Variants in PLCG2 observed in about 807,000 individuals in gnomAD.
The protein encoded by PLCG2 is phospholipase C gamma 2, also known as 1-phosphatidylinositol 4,5-bisphosphate phosphodiesterase gamma-2.
In PLCG2, 69 loss-of-function variants were observed where a neutral mutation model predicts 175.6. That is an observed-to-expected ratio of 0.39 (90% CI 0.32 to 0.48). The LOEUF is 0.48. Ranked by LOEUF, PLCG2 falls within the 20% of genes least tolerant of loss-of-function variation. PLCG2 has a pLI of 0.91. For missense variants in PLCG2, 1,798 were observed against 1,650.9 expected (o/e 1.09, Z -1.54); for synonymous variants, 827 against 624.0 (o/e 1.33, Z -4.85).
chr16:81,804,845 G>C (rs972506609), intron 2 of PLCG2, among the ~76,000 whole-genome samples: 3 of 152,228 alleles, frequency 2.0e-5, no homozygotes, highest in Non-Finnish European at 4.4e-5. Flanking sequence ...CAGGATGAGA[G>C]AGTGTTCTTG....
chr16:81,879,390 C>A (rs1907970486), intron 7 of PLCG2, among the ~76,000 whole-genome samples: 1 of 152,208 alleles, frequency 6.6e-6, no homozygotes, highest in Non-Finnish European at 1.5e-5. Flanking sequence ...AAAGGAAGTA[C>A]TTCTCAGTTT....
intron 1 of PLCG2, among the ~76,000 whole-genome samples, chr16:81,781,312 C>G (rs1394120382): frequency 6.6e-6 from 1 of 152,144 alleles, no homozygotes; most frequent in Admixed American, 6.5e-5. Context: ...AATTGCTTAT[C>G]TATCATCCTC....
chr16:81,798,245 AG>A (rs1224361271), intron 2 of PLCG2, among the ~76,000 whole-genome samples: 1 of 152,214 alleles, frequency 6.6e-6, no homozygotes, highest in African/African-American at 2.4e-5. Flanking sequence ...TACTTAACAC[AG>A]GGTGCCTCCC....
intron 2 of PLCG2, among the ~76,000 whole-genome samples, chr16:81,773,159 C>T (rs543605733): frequency 6.4e-4 from 97 of 152,252 alleles, no homozygotes; most frequent in African/African-American, 2.2e-3. Context: ...GGAAAGCATG[C>T]TGGGTGTGGG....
chr16:81,873,867 A>T (rs1907639001), intron 7 of PLCG2, among the ~76,000 whole-genome samples: 1 of 152,236 alleles, frequency 6.6e-6, no homozygotes, highest in African/African-American at 2.4e-5. Context: ...CTGTGGTAAC[A>T]TTCCACATGA....
chr16:81,881,182 A>ACTTTGTGT (rs1435364918), intron 8 of PLCG2, among the ~76,000 whole-genome samples: 3 of 152,124 alleles, frequency 2.0e-5, no homozygotes, highest in Non-Finnish European at 2.9e-5. Context: ...GTTCTGTAGA[A>ACTTTGTGT]AAGCCTGTGT....
chr16:81,805,553 C>G (rs992961775), intron 2 of PLCG2, among the ~76,000 whole-genome samples: 3 of 136,960 alleles, frequency 2.2e-5, no homozygotes, highest in Non-Finnish European at 4.8e-5. Context: ...AAACCAAAAA[C>G]AAAAGCTCAA....
At position 81,905,425 on chromosome 16, in the gene PLCG2, G is replaced by T; in HGVS notation, c.1385G>T (p.Gly462Val). The change falls in exon 15 of 33, where the codon GGC becomes GTC. Residue 462 changes from glycine (G) to valine (V), a missense_variant. Transcript: ENST00000564138. ...CAGCATAAGAAGCTGGGCCCCCGAG[G>T]CGATGTGGATGTCAACATGGAGGAC... ...IIKHKKLGPRGDVDVNMEDKK... is the reference protein window; with the variant it reads ...IIKHKKLGPRVDVDVNMEDKK... The T allele has an allele frequency of 6.2e-7, 1 of 1,614,084 alleles. No homozygotes were observed. Among genetic ancestry groups the T allele is most frequent in the Non-Finnish European group, 8.5e-7 (1 of 1,179,928 alleles).
At chr16:81,955,691 T>C (rs1911539171) in intron 31 of PLCG2, among the ~76,000 whole-genome samples, 1 of 152,190 alleles carries the variant, frequency 6.6e-6, no homozygotes, top group Admixed American at 6.5e-5. Context: ...GGACCACACT[T>C]ACTCTTTCAG....
chr16:81,883,397 C>G (rs757130842), intron 9 of PLCG2, 56 bp downstream of exon 9: 49 of 1,422,070 alleles, frequency 3.4e-5, no homozygotes, highest in Non-Finnish European at 4.6e-5. Flanking sequence ...CTGCTGGGGA[C>G]TAGTCTCACC....
rs926237449 is a variant in PLCG2 at position 81,908,488 on chromosome 16, G to A, written c.1630G>A (p.Glu544Lys). The stretch of plus-strand genomic sequence containing the variant: ...GAAGGTGGAGAAGAGGACGAGTGCC[G>A]AGAAGTTGCTGCAGGAATACTGCAT... ...HKKVEKRTSAEKLLQEYCMET... is the reference protein window; with the variant it reads ...HKKVEKRTSAKKLLQEYCMET... Residue 544 changes from glutamate to lysine, a missense_variant, in exon 17 of 33, where the codon GAG (glutamate) becomes AAG (lysine). Glu to Lys is a moderately conservative substitution (Grantham distance 56). Coordinates refer to ENST00000564138, the MANE Select transcript of PLCG2 (RefSeq NM_002661.5). 1.2e-6 allele frequency: 2 copies of A among 1,614,120 alleles called. No homozygotes were observed. Among genetic ancestry groups the A allele is most frequent in the Non-Finnish European group, 1.7e-6 (2 of 1,180,002 alleles).
chr16:81,859,295 G>T, intron 5 of PLCG2, 132 bp downstream of exon 5: 3 of 631,796 alleles, frequency 4.7e-6, no homozygotes, highest in Non-Finnish European at 8.7e-6. Flanking sequence ...ATCTGCGGAT[G>T]CCATGTTGGG....
At chr16:81,892,021 T>C (rs1198373444) in intron 11 of PLCG2, among the ~76,000 whole-genome samples, 2 of 152,170 alleles carry the variant, frequency 1.3e-5, no homozygotes, top group African/African-American at 4.8e-5. Flanking sequence ...CATGTCCTCA[T>C]GTGCTGGGAG....
At chr16:81,938,194 C>G (rs971190956) in intron 28 of PLCG2, among the ~76,000 whole-genome samples, 1 of 151,954 alleles carries the variant, frequency 6.6e-6, no homozygotes, top group Non-Finnish European at 1.5e-5. Flanking sequence ...AGCCTCTGGC[C>G]GGAAAGAGAA....
chr16:81,908,298 A>G lies in PLCG2; in HGVS notation c.1558-118A>G. The G allele has an allele frequency of 3.4e-6, 3 of 891,696 alleles. No individual in the cohort carries two copies. The South Asian group carries it at 5.1e-5, about 15-fold the overall frequency. 55.2% of individuals were successfully genotyped at this position (891,696 alleles called of 1,614,324 possible). A position where few individuals can be genotyped will look rare whatever the true frequency, so the allele number is the denominator to read the frequency against. On this transcript the variant is annotated intron_variant, in intron 16 of 32. Coordinates refer to ENST00000564138, the MANE Select transcript of PLCG2 (RefSeq NM_002661.5). ...TACCCCTTCGGGTGGGGACCAGCTG[A>G]GGCTGGCCTCTCTATGTTATCTGGT... is the stretch of plus-strand genomic sequence containing the variant.
In PLCG2 at chr16:81,908,426, C is replaced by T; in HGVS notation, c.1568C>T (p.Pro523Leu). ...MEEEVPQDIP[P>L]TELHFGEKWF... is the part of the protein sequence containing the mutation. ...CTCTTTGCGGCCCAGGATATACCCCCTACAGAACTACATTTTGGGGAGAAA... is the reference window on the plus strand; with the variant it reads ...CTCTTTGCGGCCCAGGATATACCCCTTACAGAACTACATTTTGGGGAGAAA... The change falls in exon 17 of 33, where the codon CCT (proline) becomes CTT (leucine). Residue 523 changes from proline (P) to leucine (L), a missense_variant. By Grantham distance (98) the Pro-to-Leu change is moderately conservative (BLOSUM62 -3). Transcript: ENST00000564138. The T allele has an allele frequency of 6.2e-7, 1 of 1,613,892 alleles. No homozygotes were observed. The highest frequency in any genetic ancestry group is 8.5e-7 in the Non-Finnish European group (1 of 1,179,878).
At position 81,950,373 on chromosome 16, in the gene PLCG2, G is replaced by C. The variant is rs866402690; in HGVS notation, c.3570+4110G>C. On this transcript the variant is annotated intron_variant, in intron 31 of 32. Coordinates refer to ENST00000564138, the MANE Select transcript of PLCG2 (RefSeq NM_002661.5). The stretch of plus-strand genomic sequence containing the variant: ...TGATAAAATGCTTGTTTTCTAAAGG[G>C]ATATAAAAGTCATTAGCAAATAGCA... 2.6e-5 allele frequency among the ~76,000 whole-genome samples: 4 copies of C among 152,246 alleles called. No individual in the cohort carries two copies. The South Asian group carries it at 8.3e-4, about 32-fold the overall frequency.
rs909697588 is a variant in PLCG2, at chr16:81,960,092, C to T, written c.*2094C>T. The T allele has an allele frequency of 4.6e-6, 1 of 219,410 alleles. No homozygotes were observed. The highest frequency in any genetic ancestry group is 6.7e-5 in the East Asian group (1 of 14,950). 13.6% of individuals were successfully genotyped at this position (219,410 alleles called of 1,614,324 possible). A position where few individuals can be genotyped will look rare whatever the true frequency, so the allele number is the denominator to read the frequency against. ...CATAAATGGTGCTGGGAAGAACCCT[C>T]TGCCTAAAACTGTCTCCTTCTCCTG... On this transcript the variant is annotated 3_prime_UTR_variant, in exon 33 of 33. Coordinates refer to ENST00000564138, the MANE Select transcript of PLCG2 (RefSeq NM_002661.5).
intron 2 of PLCG2, among the ~76,000 whole-genome samples, chr16:81,805,429 G>A (rs1169300061): frequency 6.6e-6 from 1 of 150,626 alleles, no homozygotes; most frequent in African/African-American, 2.4e-5. Flanking sequence ...AACCCAGGAG[G>A]TGGAGCTTGC....
Sources: gnomAD v4.1 joint callset for allele counts (sites outside exome capture counted in the v4.1 genomes callset) on GRCh38, gnomAD v4.1.1 for gene constraint, MANE v1.5 for transcripts, NCBI Gene and HGNC (gene_info 2026-07-23, HGNC 2026-07-21) for gene names.